The following NBEA variants were observed in gnomAD, a reference collection of about 807,000 sequenced individuals.
NBEA encodes the protein lysosomal-trafficking regulator 2.
A neutral mutation model predicts 343.4 loss-of-function variants in NBEA; 44 were observed. The observed-to-expected ratio is 0.13, with a 90% CI of 0.10 to 0.16. The LOEUF is 0.16. Ranked by LOEUF, NBEA falls within the 10% of genes least tolerant of loss-of-function variation. The probability of loss-of-function intolerance (pLI) is 1.00; values close to 1 mark genes in which losing one functional copy is unlikely to be tolerated. For synonymous variants in NBEA, 1,175 were observed against 1,238.7 expected (o/e 0.95, Z 1.08); for missense variants, 2,555 against 3,631.3 (o/e 0.70, Z 7.62).
intron 41 of NBEA, among the ~76,000 whole-genome samples, chr13:35,501,846 C>A (rs1378146419): frequency 3.9e-5 from 6 of 152,096 alleles, no homozygotes; most frequent in Admixed American, 1.3e-4. Context: ...GGGCGGGGAA[C>A]CCCTATTAAT....
At chr13:35,479,190 G>C (rs1399430121) in intron 41 of NBEA, among the ~76,000 whole-genome samples, 2 of 152,220 alleles carry the variant, frequency 1.3e-5, no homozygotes, top group East Asian at 1.9e-4. Context: ...CGCCAGGACT[G>C]TGTTTTCTAA....
intron 38 of NBEA, among the ~76,000 whole-genome samples, chr13:35,427,537 G>A (rs1350171200): frequency 1.3e-5 from 2 of 152,166 alleles, no homozygotes; most frequent in Non-Finnish European, 2.9e-5. Flanking sequence ...GTGTCAGTCC[G>A]CCCCTACTGG....
At chr13:35,175,812 G>A (rs1593616106) in intron 27 of NBEA, among the ~76,000 whole-genome samples, 1 of 151,942 alleles carries the variant, frequency 6.6e-6, no homozygotes, top group East Asian at 1.9e-4. Context: ...AAAGTTTCTT[G>A]CAAGTTTCTT....
chr13:35,608,386 C>T (rs1049053738), intron 48 of NBEA, among the ~76,000 whole-genome samples: 7 of 152,030 alleles, frequency 4.6e-5, no homozygotes, highest in African/African-American at 1.7e-4. Flanking sequence ...CTGAAAATTT[C>T]TGATTCTTTT....
In NBEA at chr13:35,173,411, G is replaced by A. The variant is rs1281698769; in HGVS notation, c.4424-53G>A. On this transcript the variant is annotated intron_variant, in intron 26 of 58. Transcript: ENST00000379939. The stretch of plus-strand genomic sequence containing the variant: ...GAAATAAACTTGCAACTTTTTCCAG[G>A]ATATCAAAGTCAACAATTTATATTA... The A allele has an allele frequency of 2.1e-6, 3 of 1,443,252 alleles. No homozygotes were observed. In the Admixed American group the frequency reaches 6.9e-5, roughly 33 times the overall value. 89.4% of individuals were successfully genotyped at this position (1,443,252 alleles called of 1,614,324 possible). A position where few individuals can be genotyped will look rare whatever the true frequency, so the allele number is the denominator to read the frequency against.
At chr13:35,358,155 G>A (rs753492493) in intron 38 of NBEA, among the ~76,000 whole-genome samples, 8 of 151,790 alleles carry the variant, frequency 5.3e-5, no homozygotes, top group Non-Finnish European at 1.0e-4. Flanking sequence ...CTGAGTAGCT[G>A]GGATTACAGG....
chr13:35,340,448 TGAG>T (rs1207314771), intron 36 of NBEA, among the ~76,000 whole-genome samples: 2 of 152,038 alleles, frequency 1.3e-5, no homozygotes, highest in Admixed American at 1.3e-4. Context: ...GGCCAAGGGC[TGAG>T]GATGGAGGAG....
chr13:35,101,699 T>G (rs2065654839), intron 11 of NBEA, among the ~76,000 whole-genome samples: 1 of 151,852 alleles, frequency 6.6e-6, no homozygotes, highest in Non-Finnish European at 1.5e-5. Context: ...GAACATATAT[T>G]TATTTTCCTT....
intron 39 of NBEA, among the ~76,000 whole-genome samples, chr13:35,451,284 C>T (rs1487437453): frequency 6.6e-6 from 1 of 152,040 alleles, no homozygotes; most frequent in Non-Finnish European, 1.5e-5. Flanking sequence ...GCTCCACGCC[C>T]GTCTAATTTT....
chr13:35,024,578 G>C (rs941356955), intron 1 of NBEA, among the ~76,000 whole-genome samples: 7 of 152,142 alleles, frequency 4.6e-5, no homozygotes, highest in Non-Finnish European at 1.0e-4. Flanking sequence ...TACTTGGGAG[G>C]CTGGGGCTGG....
Position 35,006,468 on chromosome 13 carries a change from A to G in NBEA, c.295-34465A>G, listed in dbSNP as rs148798903. 3.4e-3 allele frequency among the ~76,000 whole-genome samples: 511 copies of G among 152,220 alleles called. 3 individuals are homozygous for G. The highest frequency in any genetic ancestry group is 0.012 in the African/African-American group (489 of 41,548). ...TATATTTTAATCTTTTCCATCTTTT[A>G]AAGCTCTTCTGGACATCATTGTTAT... On this transcript the variant is annotated intron_variant, in intron 1 of 58. Transcript: ENST00000379939.
chr13:35,007,468 T>A (rs754827835), intron 1 of NBEA, among the ~76,000 whole-genome samples: 5 of 152,170 alleles, frequency 3.3e-5, no homozygotes, highest in Non-Finnish European at 7.4e-5. Context: ...TGGTTTTTTG[T>A]TTTCTGCTGA....
intron 56 of NBEA, among the ~76,000 whole-genome samples, chr13:35,666,958 A>G (rs192685676): frequency 6.6e-6 from 1 of 152,346 alleles, no homozygotes; most frequent in Admixed American, 6.5e-5. Context: ...GATGTGGTAC[A>G]ACGCGTAAAA....
chr13:35,628,077 T>G lies in NBEA; in HGVS notation c.7450-4T>G. 1 of 1,609,756 alleles carries G rather than the reference T, an allele frequency of 6.2e-7. No individual in the cohort carries two copies. The highest frequency in any genetic ancestry group is 1.1e-5 in the South Asian group (1 of 90,242). ...TCTCTCATTTCTTTCTTGACTCATT[T>G]CAGGCCCTAGAAAGTGAATTTGTTT... On this transcript the variant is annotated splice_region_variant and splice_polypyrimidine_tract_variant and intron_variant, in intron 48 of 58. Coordinates refer to ENST00000379939, the MANE Select transcript of NBEA (RefSeq NM_001385012.1).
chr13:35,443,171 T>G (rs1230922383), intron 39 of NBEA, among the ~76,000 whole-genome samples: 1 of 152,082 alleles, frequency 6.6e-6, no homozygotes. Flanking sequence ...CTGAACTGTT[T>G]TCCCCCAGCT....
At chr13:35,424,326 C>T (rs1053882225) in intron 38 of NBEA, among the ~76,000 whole-genome samples, 1 of 152,158 alleles carries the variant, frequency 6.6e-6, no homozygotes, top group African/African-American at 2.4e-5. Flanking sequence ...TACGTCCCAT[C>T]AATACCTAAT....
At chr13:35,610,372 C>T (rs1444030330) in intron 48 of NBEA, among the ~76,000 whole-genome samples, 2 of 151,882 alleles carry the variant, frequency 1.3e-5, no homozygotes, top group Admixed American at 6.6e-5. Context: ...CAGCCGAGAT[C>T]GCGCCACTGC....
intron 38 of NBEA, among the ~76,000 whole-genome samples, chr13:35,384,063 G>A (rs2042126659): frequency 6.6e-6 from 1 of 152,178 alleles, no homozygotes; most frequent in Non-Finnish European, 1.5e-5. Flanking sequence ...AAATTGAAAA[G>A]GAAAGAGATT....
At chr13:35,455,735 C>A (rs1180641348) in intron 40 of NBEA, among the ~76,000 whole-genome samples, 1 of 151,940 alleles carries the variant, frequency 6.6e-6, no homozygotes, top group Non-Finnish European at 1.5e-5. Flanking sequence ...TTAATCTAAA[C>A]AACAACCCAA....
Sources: allele counts gnomAD v4.1 joint callset (sites outside exome capture counted in the v4.1 genomes callset), GRCh38; gene constraint gnomAD v4.1.1; transcripts MANE v1.5; gene names NCBI Gene and HGNC (gene_info 2026-07-23, HGNC 2026-07-21).